Variants in CADM2 observed in about 807,000 individuals in gnomAD.
The protein encoded by CADM2 is cell adhesion molecule 2.
CADM2 carries 12 observed loss-of-function variants against 49.8 expected under a neutral mutation model. The ratio of observed to expected loss-of-function variants is 0.24; its 90% CI spans 0.15 to 0.39. CADM2 has a LOEUF of 0.39. CADM2 is among the 10% of genes least tolerant of loss of function. The pLI is 1.00. For missense variants in CADM2, 378 were observed against 492.3 expected (o/e 0.77, Z 2.20); for synonymous variants, 214 against 175.4 (o/e 1.22, Z -1.74).
intron 1 of CADM2, among the ~76,000 whole-genome samples, chr3:85,466,994 A>T (rs1411268632): frequency 6.6e-6 from 1 of 152,204 alleles, no homozygotes; most frequent in East Asian, 1.9e-4. Flanking sequence ...CTTTTCTAGA[A>T]TTCTGTAAAT....
At chr3:85,642,368 A>G (rs1158053137) in intron 1 of CADM2, among the ~76,000 whole-genome samples, 1 of 152,216 alleles carries the variant, frequency 6.6e-6, no homozygotes, top group East Asian at 1.9e-4. Flanking sequence ...AAAATAATAC[A>G]ATGAAAAACT....
intron 3 of CADM2, among the ~76,000 whole-genome samples, chr3:85,848,664 A>G (rs2074976270): frequency 6.6e-6 from 1 of 152,212 alleles, no homozygotes; most frequent in Admixed American, 6.5e-5. Flanking sequence ...AATAAAAAAT[A>G]CAGTAAATCT....
intron 8 of CADM2, among the ~76,000 whole-genome samples, chr3:86,045,211 A>T (rs1214464377): frequency 7.2e-6 from 1 of 139,188 alleles, no homozygotes; most frequent in African/African-American, 2.9e-5. Context: ...GTATAATAAT[A>T]AAAAAAAAAG....
At chr3:85,321,775 A>G (rs945447054) in intron 1 of CADM2, among the ~76,000 whole-genome samples, 1 of 152,206 alleles carries the variant, frequency 6.6e-6, no homozygotes, top group African/African-American at 2.4e-5. Flanking sequence ...AAGGAGATAC[A>G]TTACAGATTA....
chr3:85,289,954 G>A (rs1312274688), intron 1 of CADM2, among the ~76,000 whole-genome samples: 2 of 152,164 alleles, frequency 1.3e-5, no homozygotes, highest in African/African-American at 4.8e-5. Context: ...TGGCTGAATA[G>A]GAACAGCTCC....
intron 2 of CADM2, among the ~76,000 whole-genome samples, chr3:85,793,453 C>T (rs572196713): frequency 5.9e-5 from 9 of 152,204 alleles, no homozygotes; most frequent in South Asian, 4.1e-4. Context: ...GCTAAAAATA[C>T]GCACAGAAGC....
intron 1 of CADM2, among the ~76,000 whole-genome samples, chr3:85,595,392 A>C (rs950265884): frequency 2.8e-4 from 42 of 152,186 alleles, no homozygotes; most frequent in African/African-American, 9.6e-4. Flanking sequence ...CAAAATATGC[A>C]AACAGTTCAC....
chr3:85,115,352 A>T lies in CADM2; in HGVS notation c.61+155684A>T, dbSNP rs527701151. Among the ~76,000 whole-genome samples the T allele has an allele frequency of 1.4e-3, 209 of 152,306 alleles. 2 individuals carry two copies. The highest frequency in any genetic ancestry group is 4.6e-3 in the African/African-American group (191 of 41,580). Reference sequence around the variant, plus strand: ...CTCCGTAAGACTGTTCTAATATCTGAATTATGTCAGTACATTAAAAGTAGA... The same window carrying T: ...CTCCGTAAGACTGTTCTAATATCTGTATTATGTCAGTACATTAAAAGTAGA... On this transcript the variant is annotated intron_variant, in intron 1 of 9. Coordinates refer to ENST00000383699, the MANE Select transcript of CADM2 (RefSeq NM_001167675.2).
intron 1 of CADM2, among the ~76,000 whole-genome samples, chr3:85,002,256 C>T (rs79446670): frequency 0.012 from 1,882 of 152,094 alleles, 37 homozygotes; most frequent in African/African-American, 0.043. Context: ...GTTTTTTCCC[C>T]AGAAATATTT....
In CADM2 at chr3:85,435,503, A is replaced by G. The variant is rs141489985; in HGVS notation, c.62-291019A>G. 2.2e-3 allele frequency among the ~76,000 whole-genome samples: 342 copies of G among 152,320 alleles called. 2 individuals are homozygous for G. The highest frequency in any genetic ancestry group is 7.9e-3 in the African/African-American group (327 of 41,560). ...TGTGTGCATGTGTCTTTATAGTAGAATGATTTATAATCCTTTGGGTATATA... is the reference window on the plus strand; with the variant it reads ...TGTGTGCATGTGTCTTTATAGTAGAGTGATTTATAATCCTTTGGGTATATA... On this transcript the variant is annotated intron_variant, in intron 1 of 9. Coordinates refer to ENST00000383699, the MANE Select transcript of CADM2 (RefSeq NM_001167675.2).
At chr3:85,301,223 CTT>C (rs2044092571) in intron 1 of CADM2, among the ~76,000 whole-genome samples, 2 of 152,018 alleles carry the variant, frequency 1.3e-5, no homozygotes. Flanking sequence ...AGACATAGCC[CTT>C]GCCATTCTTG....
intron 8 of CADM2, among the ~76,000 whole-genome samples, chr3:86,015,795 G>A (rs1732149297): frequency 6.6e-6 from 1 of 152,240 alleles, no homozygotes; most frequent in African/African-American, 2.4e-5. Flanking sequence ...CTGTTTCATG[G>A]TTAAGACGGA....
rs116861389 is a variant in CADM2, at chr3:85,701,623, C to T, written c.62-24899C>T. ...GGTTTAGAATCACCAAACTCATACA[C>T]ATATAGCATTCCCTTTTGTGCCATC... On this transcript the variant is annotated intron_variant, in intron 1 of 9. Transcript: ENST00000383699. Among the ~76,000 whole-genome samples, 1,006 of 152,210 alleles carry T rather than the reference C, an allele frequency of 6.6e-3. 48 individuals are homozygous for T. In the South Asian group the frequency reaches 0.11, roughly 16 times the overall value.
chr3:85,066,964 A>G (rs1462809794), intron 1 of CADM2, among the ~76,000 whole-genome samples: 2 of 151,866 alleles, frequency 1.3e-5, no homozygotes, highest in Non-Finnish European at 2.9e-5. Flanking sequence ...CTGGGGCAGG[A>G]TATTTGGTTT....
At chr3:85,956,692 C>T (rs1288516548) in intron 7 of CADM2, among the ~76,000 whole-genome samples, 3 of 144,790 alleles carry the variant, frequency 2.1e-5, no homozygotes, top group Non-Finnish European at 3.0e-5. Flanking sequence ...TTTTAAAATA[C>T]AGATTGGCAA....
chr3:85,198,901 G>C (rs963971990), intron 1 of CADM2, among the ~76,000 whole-genome samples: 2 of 151,856 alleles, frequency 1.3e-5, no homozygotes, highest in Non-Finnish European at 2.9e-5. Flanking sequence ...AATGTATTCA[G>C]TCTCTTATTG....
chr3:85,496,169 C>T (rs1033566055), intron 1 of CADM2, among the ~76,000 whole-genome samples: 1 of 152,092 alleles, frequency 6.6e-6, no homozygotes, highest in African/African-American at 2.4e-5. Flanking sequence ...ACATAGTAAC[C>T]AATAGGCACT....
chr3:85,408,893 A>G (rs764256470), intron 1 of CADM2, among the ~76,000 whole-genome samples: 4 of 152,178 alleles, frequency 2.6e-5, no homozygotes, highest in Non-Finnish European at 4.4e-5. Flanking sequence ...ATTAAAGCCA[A>G]TGTGTCACTT....
At chr3:85,438,647 T>C (rs2037043698) in intron 1 of CADM2, among the ~76,000 whole-genome samples, 1 of 152,116 alleles carries the variant, frequency 6.6e-6, no homozygotes, top group Admixed American at 6.6e-5. Flanking sequence ...GACACATTGA[T>C]AGATCTTTCC....
Sources: gnomAD v4.1 joint callset for allele counts (sites outside exome capture counted in the v4.1 genomes callset) on GRCh38, gnomAD v4.1.1 for gene constraint, MANE v1.5 for transcripts, NCBI Gene and HGNC (gene_info 2026-07-23, HGNC 2026-07-21) for gene names.